ZNF544: variants seen among roughly 807,000 people sequenced by gnomAD.
ZNF544 encodes the protein zinc finger protein AF020591.
In ZNF544, 10 loss-of-function variants were observed where a neutral mutation model predicts 13.5. The ratio of observed to expected loss-of-function variants is 0.74; its 90% confidence interval spans 0.46 to 1.25. The LOEUF is 1.25. ZNF544 is among the 50% of genes most tolerant of loss of function. ZNF544 has a pLI of 0.00. For synonymous variants in ZNF544, 323 were observed against 300.5 expected, an observed-to-expected ratio of 1.07 and a Z score of -0.77; for missense variants, 896 against 845.6, an observed-to-expected ratio of 1.06 and a Z score of -0.74.
chr19:58,262,790 G>C lies in ZNF544; in HGVS notation c.*36G>C, dbSNP rs372240144. Reference sequence around the variant, plus strand: ...ATTGTGGGAAAGCTTTCATCCAGAGGTCTCCCCTCATCATGCACCAGAGGA... The same window carrying C: ...ATTGTGGGAAAGCTTTCATCCAGAGCTCTCCCCTCATCATGCACCAGAGGA... On this transcript the variant is annotated 3_prime_UTR_variant, in exon 7 of 7. Transcript: ENST00000687789. The C allele has an allele frequency of 6.4e-7, 1 of 1,558,456 alleles. No individual in the cohort carries two copies. Among genetic ancestry groups the C allele is most frequent in the Non-Finnish European group, 8.7e-7 (1 of 1,151,670 alleles).
intron 6 of ZNF544, among the ~76,000 whole-genome samples, chr19:58,252,988 T>C (rs1485078018): frequency 4.6e-5 from 7 of 152,122 alleles, no homozygotes; most frequent in Non-Finnish European, 1.0e-4. Flanking sequence ...CCCAGCTCAC[T>C]TTTATATTTT....
intron 3 of ZNF544, among the ~76,000 whole-genome samples, chr19:58,232,262 C>T: frequency 6.6e-6 from 1 of 150,822 alleles, no homozygotes; most frequent in East Asian, 2.0e-4. Flanking sequence ...ATAGATCCAT[C>T]AGTGAAAACA....
Position 58,262,497 on chromosome 19 carries a change from C to G in ZNF544, c.1891C>G (p.Pro631Ala), listed in dbSNP as rs970801570. The change falls in exon 7 of 7, where the codon CCG becomes GCG. Residue 631 changes from proline to alanine, a missense_variant. Pro to Ala is a conservative substitution (Grantham distance 27). Coordinates refer to ENST00000687789, the MANE Select transcript of ZNF544 (RefSeq NM_014480.4). ...RHLQIHTGEK[P>A]YKCNQCNKAF... ...TCTGCAAATTCACACTGGGGAGAAGCCGTACAAATGCAATCAGTGCAATAA... is the reference window on the plus strand; with the variant it reads ...TCTGCAAATTCACACTGGGGAGAAGGCGTACAAATGCAATCAGTGCAATAA... 1.9e-6 allele frequency: 3 copies of G among 1,614,144 alleles called. No individual in the cohort carries two copies. The highest frequency in any genetic ancestry group is 1.7e-6 in the Non-Finnish European group (2 of 1,180,034).
At chr19:58,258,189 T>C (rs2047970171) in intron 6 of ZNF544, 1 of 152,424 alleles carries the variant, frequency 6.6e-6, no homozygotes, top group African/African-American at 2.4e-5. Context: ...CTTCACCTGA[T>C]TTTCCATGGC....
intron 3 of ZNF544, among the ~76,000 whole-genome samples, chr19:58,243,473 TG>T (rs35652921): frequency 0.26 from 39,982 of 151,198 alleles, 6,465 homozygotes; most frequent in Middle Eastern, 0.46. Context: ...AGGCATGCCC[TG>T]GCAGTAGGCA....
chr19:58,267,799 G>T (rs931459595), downstream of ZNF544: 3 of 151,446 alleles, frequency 2.0e-5, no homozygotes, highest in African/African-American at 7.3e-5. Flanking sequence ...TGGCTAACAG[G>T]TGAAACCCCG....
chr19:58,243,096 G>C (rs956508429), intron 3 of ZNF544, among the ~76,000 whole-genome samples: 3 of 152,116 alleles, frequency 2.0e-5, no homozygotes, highest in East Asian at 1.9e-4. Context: ...CCAAAGTGTT[G>C]GGATTCCTGG....
chr19:58,241,182 T>TAAATATATATATATATATATATA, intron 3 of ZNF544, among the ~76,000 whole-genome samples: 1 of 66,344 alleles, frequency 1.5e-5, no homozygotes, highest in African/African-American at 5.1e-5. Flanking sequence ...TATATATATT[T>TAAATATATATATATATATATATA]TTTTTTTTTT....
rs557101329 is a variant in ZNF544, at chr19:58,243,044, T to C, written c.-59-921T>C. 4.6e-5 allele frequency among the ~76,000 whole-genome samples: 7 copies of C among 152,152 alleles called. No homozygotes were observed. In the South Asian group the frequency reaches 1.5e-3, roughly 32 times the overall value. ...GGTCTCACTTTGTTGCCTAGGCTGG[T>C]CTTGAACTCTTGGACTCAAGCAGTC... On this transcript the variant is annotated intron_variant, in intron 3 of 6. Coordinates refer to ENST00000687789, the MANE Select transcript of ZNF544 (RefSeq NM_014480.4).
intron 3 of ZNF544, among the ~76,000 whole-genome samples, chr19:58,232,946 C>CAAAAAAA (rs71190012): frequency 4.3e-5 from 2 of 46,070 alleles, no homozygotes; most frequent in African/African-American, 7.3e-5. Flanking sequence ...GACTCCATCT[C>CAAAAAAA]AAAAAAAAAA....
At chr19:58,254,630 T>C (rs1053969821) in intron 6 of ZNF544, among the ~76,000 whole-genome samples, 1 of 152,202 alleles carries the variant, frequency 6.6e-6, no homozygotes, top group Non-Finnish European at 1.5e-5. Flanking sequence ...CTGCTTTATA[T>C]GTTTTCCCTC....
chr19:58,255,921 A>G (rs1431311440), intron 6 of ZNF544, among the ~76,000 whole-genome samples: 5 of 152,250 alleles, frequency 3.3e-5, no homozygotes, highest in Non-Finnish European at 7.3e-5. Flanking sequence ...TTACCAAGGA[A>G]CTAGTAGGAA....
chr19:58,251,844 A>G (rs2147259584), intron 6 of ZNF544, among the ~76,000 whole-genome samples: 1 of 152,170 alleles, frequency 6.6e-6, no homozygotes, highest in Admixed American at 6.5e-5. Context: ...AGCTCTTTCC[A>G]CTTTTTTGGA....
intron 5 of ZNF544, among the ~76,000 whole-genome samples, chr19:58,273,703 A>AG (rs2050954971): frequency 6.6e-6 from 1 of 151,760 alleles, no homozygotes; most frequent in African/African-American, 2.4e-5. Flanking sequence ...AAAAAAAAAA[A>AG]AAGCCTATTC....
chr19:58,264,935 G>T (rs901605798), downstream of ZNF544, among the ~76,000 whole-genome samples: 1 of 151,702 alleles, frequency 6.6e-6, no homozygotes, highest in East Asian at 1.9e-4. Context: ...GCCTGGGGGT[G>T]GGGGGGATGG....
intron 3 of ZNF544, among the ~76,000 whole-genome samples, chr19:58,238,090 G>A (rs560687209): frequency 3.2e-4 from 49 of 152,254 alleles, no homozygotes; most frequent in Admixed American, 9.2e-4. Context: ...GCACCACCAC[G>A]CCCGGCTAAT....
At chr19:58,275,229 C>T (rs2051126711) in intron 5 of ZNF544, among the ~76,000 whole-genome samples, 1 of 152,142 alleles carries the variant, frequency 6.6e-6, no homozygotes, top group Non-Finnish European at 1.5e-5. Flanking sequence ...TTTCACTTTG[C>T]AATGAAAGCT....
chr19:58,277,414 C>T (rs559407719), exon 7 of ZNF544: 65 of 440,882 alleles, frequency 1.5e-4, no homozygotes, highest in Middle Eastern at 6.0e-4. Context: ...CCATCAGCCC[C>T]ATGGGGGTGA....
chr19:58,266,139 G>GAGGT (rs2049842492), downstream of ZNF544, among the ~76,000 whole-genome samples: 5 of 149,606 alleles, frequency 3.3e-5, no homozygotes, highest in Admixed American at 2.0e-4. Context: ...CCAGAAGGTG[G>GAGGT]AGGTTGCAGT....
Sources: gnomAD v4.1 joint callset for allele counts (sites outside exome capture counted in the v4.1 genomes callset) on GRCh38, gnomAD v4.1.1 for gene constraint, MANE v1.5 for transcripts, NCBI Gene and HGNC (gene_info 2026-07-23, HGNC 2026-07-21) for gene names.